The following PCDHGA6 variants were observed in gnomAD, a reference collection of about 807,000 sequenced individuals.
PCDHGA6 encodes protocadherin gamma subfamily A, 6, also known as protocadherin gamma-A6.
PCDHGA6 carries 41 observed loss-of-function variants against 60.6 expected under a neutral mutation model. The ratio of observed to expected loss-of-function variants is 0.68; its 90% confidence interval spans 0.53 to 0.88. PCDHGA6 has a LOEUF of 0.88. PCDHGA6 is among the 40% of genes least tolerant of loss of function. The pLI is 0.00. For synonymous variants in PCDHGA6, 594 were observed against 524.4 expected (o/e 1.13, Z -1.81); for missense variants, 1,312 against 1,203.0 (o/e 1.09, Z -1.34).
At chr5:141,448,150 C>T (rs1182411283) in intron 1 of PCDHGA6, among the ~76,000 whole-genome samples, 4 of 151,924 alleles carry the variant, frequency 2.6e-5, no homozygotes, top group Non-Finnish European at 5.9e-5. Flanking sequence ...CTCAGACTCA[C>T]CCCTGAAAGA....
intron 1 of PCDHGA6, chr5:141,393,048 C>T (rs745354934): frequency 1.2e-6 from 2 of 1,613,672 alleles, no homozygotes; most frequent in African/African-American, 1.3e-5. Context: ...TGCTCTGAAC[C>T]CGCGCAGCGG....
chr5:141,441,517 G>A (rs1316654534), intron 1 of PCDHGA6: 1 of 172,138 alleles, frequency 5.8e-6, no homozygotes, highest in South Asian at 1.3e-4. Flanking sequence ...CGTCGTCCAC[G>A]TGGCCAAGAA....
At chr5:141,384,969 G>C (rs996601457) in intron 1 of PCDHGA6, 1 of 1,614,014 alleles carries the variant, frequency 6.2e-7, no homozygotes, top group Admixed American at 1.7e-5. Flanking sequence ...ATGACCTCAC[G>C]TTGTACCTGG....
chr5:141,433,358 CCTATCTAT>C lies in PCDHGA6; in HGVS notation c.2424+56892_2424+56899del, dbSNP rs3074541. On this transcript the variant is annotated intron_variant, in intron 1 of 3. Transcript: ENST00000517434. ...ACAGGTGCAAGCCACCTACTGTCTG[CCTATCTAT>C]CTATCTATCTATCTATCTATCTATC... is the stretch of plus-strand genomic sequence containing the variant. The C allele has an allele frequency of 7.0e-3, 3,504 of 501,060 alleles. 20 individuals carry two copies. The highest frequency in any genetic ancestry group is 7.9e-3 in the Non-Finnish European group (2,251 of 285,142). The allele number at this position is 501,060 out of a possible 1,614,324, so 31.0% of individuals were successfully genotyped here.
At position 141,430,969 on chromosome 5, in the gene PCDHGA6, T is replaced by C. The variant is rs560722324; in HGVS notation, c.2424+54462T>C. The C allele has an allele frequency of 1.5e-4, 246 of 1,613,012 alleles. 3 individuals carry two copies. The South Asian group carries it at 2.6e-3, about 17-fold the overall frequency. The stretch of plus-strand genomic sequence containing the variant: ...GCGGAGTCCGCATCATCCCCAGAGG[T>C]AGGACGCAGCTTTTCGCCCTGAATC... On this transcript the variant is annotated intron_variant, in intron 1 of 3. Transcript: ENST00000517434.
intron 1 of PCDHGA6, chr5:141,398,715 G>A: frequency 1.2e-6 from 2 of 1,613,850 alleles, no homozygotes; most frequent in Non-Finnish European, 1.7e-6. Flanking sequence ...AACTGGCACT[G>A]GAGAAAACCT....
rs759041753 is a variant in PCDHGA6 at position 141,388,806 on chromosome 5, G to A, written c.2424+12299G>A. 32 of 1,613,842 alleles carry A rather than the reference G, an allele frequency of 2.0e-5. No individual in the cohort carries two copies. Among genetic ancestry groups the A allele is most frequent in the Non-Finnish European group, 2.5e-5 (29 of 1,179,864 alleles). On this transcript the variant is annotated intron_variant, in intron 1 of 3. Coordinates refer to ENST00000517434, the MANE Select transcript of PCDHGA6 (RefSeq NM_018919.3). Reference sequence around the variant, plus strand: ...TACTGTTTTAAATACATTAGATTTTGAAGAAGTCAAAGAATATTCCATAGT... The same window carrying A: ...TACTGTTTTAAATACATTAGATTTTAAAGAAGTCAAAGAATATTCCATAGT...
intron 1 of PCDHGA6, chr5:141,478,072 G>A (rs752905249): frequency 6.2e-7 from 1 of 1,614,048 alleles, no homozygotes; most frequent in Admixed American, 1.7e-5. Flanking sequence ...AAGACAATGG[G>A]GAGCCTTCGC....
rs2099624335 is a variant in PCDHGA6 at position 141,486,093 on chromosome 5, C to T, written c.2425-8714C>T. On this transcript the variant is annotated intron_variant, in intron 1 of 3. Coordinates refer to ENST00000517434, the MANE Select transcript of PCDHGA6 (RefSeq NM_018919.3). This position sits in a 1 kb window ranked among gnomAD's most constrained non-coding sequence, Gnocchi z 5.0. ...ACTGGAAAGCTTACTCTTTTGGGGC[C>T]CCTAGACTTTGAGAGTGAGAATTAC... 1 of 1,614,112 alleles carries T rather than the reference C, an allele frequency of 6.2e-7. No homozygotes were observed. The highest frequency in any genetic ancestry group is 8.5e-7 in the Non-Finnish European group (1 of 1,180,008).
rs764742899 is a variant in PCDHGA6, at chr5:141,487,062, C to T, written c.2425-7745C>T. On this transcript the variant is annotated intron_variant, in intron 1 of 3. Transcript: ENST00000517434. This position sits in a 1 kb window ranked among gnomAD's most constrained non-coding sequence, Gnocchi z 5.0. Reference sequence around the variant, plus strand: ...TCTCGATATGCTGGGGAGGTGCGGACGGCTGTTCCTATCCCAGCTGACCTC... The same window carrying T: ...TCTCGATATGCTGGGGAGGTGCGGATGGCTGTTCCTATCCCAGCTGACCTC... 2.8e-5 allele frequency: 45 copies of T among 1,613,980 alleles called. No homozygotes were observed. Among genetic ancestry groups the T allele is most frequent in the East Asian group, 1.3e-4 (6 of 44,874 alleles).
chr5:141,380,982 T>A (rs1776910305), intron 1 of PCDHGA6, among the ~76,000 whole-genome samples: 3 of 152,248 alleles, frequency 2.0e-5, no homozygotes, highest in Non-Finnish European at 2.9e-5. Flanking sequence ...AAATAGAATT[T>A]AACTCCAGTT....
At position 141,491,187 on chromosome 5, in the gene PCDHGA6, G is replaced by A. The variant is rs2099709293; in HGVS notation, c.2425-3620G>A. ...CCCAGCAGGTGGTGGTCCTGGTGAG[G>A]GACAATGGTGACCCTTCACTCTCCT... On this transcript the variant is annotated intron_variant, in intron 1 of 3. Coordinates refer to ENST00000517434, the MANE Select transcript of PCDHGA6 (RefSeq NM_018919.3). The surrounding 1 kb of genome is among the most constrained non-coding windows in gnomAD (Gnocchi z 6.9). The A allele has an allele frequency of 6.2e-7, 1 of 1,614,064 alleles. No homozygotes were observed. The highest frequency in any genetic ancestry group is 1.1e-5 in the South Asian group (1 of 91,080).
intron 1 of PCDHGA6, among the ~76,000 whole-genome samples, chr5:141,442,926 T>C (rs2098353621): frequency 6.6e-6 from 1 of 152,240 alleles, no homozygotes; most frequent in African/African-American, 2.4e-5. Flanking sequence ...TGTTTCATTT[T>C]CTATTTAAGA....
intron 1 of PCDHGA6, chr5:141,383,573 C>T: frequency 8.1e-6 from 13 of 1,613,346 alleles, no homozygotes; most frequent in Non-Finnish European, 1.1e-5. Context: ...CGATCCAGCA[C>T]CGCCCACATC....
intron 1 of PCDHGA6, chr5:141,478,852 A>G (rs2099480601): frequency 7.3e-7 from 1 of 1,367,502 alleles, no homozygotes; most frequent in African/African-American, 1.5e-5. Flanking sequence ...GCTAAAACAC[A>G]AGATCTCAGC....
chr5:141,389,660 G>A (rs1302432237), intron 1 of PCDHGA6: 4 of 1,612,338 alleles, frequency 2.5e-6, no homozygotes, highest in African/African-American at 2.7e-5. Flanking sequence ...TAGTGGCGGT[G>A]GACGCAGACT....
chr5:141,394,622 G>A (rs1472873845), intron 1 of PCDHGA6: 32 of 1,613,496 alleles, frequency 2.0e-5, no homozygotes, highest in Non-Finnish European at 2.6e-5. Flanking sequence ...AGAACGCCTG[G>A]CTGTCCTACC....
intron 1 of PCDHGA6, chr5:141,398,674 A>T: frequency 6.2e-7 from 1 of 1,614,010 alleles, no homozygotes; most frequent in Non-Finnish European, 8.5e-7. Context: ...ATTAATAATT[A>T]AGGAGAAACA....
chr5:141,415,866 T>A, intron 1 of PCDHGA6: 1 of 1,115,266 alleles, frequency 9.0e-7, no homozygotes, highest in Non-Finnish European at 1.2e-6. Context: ...GTTTATAGTG[T>A]TGTTGAGTAC....
Sources: gnomAD v4.1 joint callset for allele counts (sites outside exome capture counted in the v4.1 genomes callset) on GRCh38, gnomAD v4.1.1 for gene constraint, Gnocchi (gnomAD v3.1) non-coding constraint, MANE v1.5 for transcripts, NCBI Gene and HGNC (gene_info 2026-07-23, HGNC 2026-07-21) for gene names.